GTF2IRD1: variants seen among roughly 807,000 people sequenced by gnomAD.
GTF2IRD1 encodes general transcription factor II-I repeat domain-containing protein 1.
In GTF2IRD1, 26 loss-of-function variants were observed where a neutral mutation model predicts 113.2. The observed-to-expected ratio is 0.23, with a 90% confidence interval of 0.17 to 0.32. The LOEUF is 0.32. Ranked by LOEUF, GTF2IRD1 falls within the 10% of genes least tolerant of loss-of-function variation. The pLI, the probability that GTF2IRD1 is intolerant of heterozygous loss-of-function variation, is 1.00. For synonymous variants in GTF2IRD1, 484 were observed against 529.1 expected, an observed-to-expected ratio of 0.91 and a Z score of 1.17; for missense variants, 864 against 1,280.8, an observed-to-expected ratio of 0.67 and a Z score of 4.97.
At position 74,557,517 on chromosome 7, in the gene GTF2IRD1, TC is replaced by T. The variant is rs1799672024; in HGVS notation, c.2024-120del. The T allele has an allele frequency of 4.6e-6, 3 of 652,686 alleles. No individual in the cohort carries two copies. In the Admixed American group the frequency reaches 8.2e-5, roughly 18 times the overall value. The allele number at this position is 652,686 out of a possible 1,614,324, so 40.4% of individuals were successfully genotyped here. A position where few individuals can be genotyped will look rare whatever the true frequency, so the allele number is the denominator to read the frequency against. On this transcript the variant is annotated intron_variant, in intron 19 of 26. Transcript: ENST00000424337. ...GTGCTGAAGGACCTGAGGGGCCCAC[TC>T]CAAAGATCCTTTAATTGCCGGAGAA...
At position 74,545,765 on chromosome 7, in the gene GTF2IRD1, G is replaced by A. The variant is rs377293896; in HGVS notation, c.1688G>A (p.Arg563Gln). 4.7e-5 allele frequency: 76 copies of A among 1,612,864 alleles called. 1 individual carries two copies. The South Asian group carries it at 6.4e-4, about 14-fold the overall frequency. The change falls in exon 16 of 27, where the codon CGG (arginine) becomes CAG (glutamine). Residue 563 changes from arginine (R) to glutamine (Q), a missense_variant. Coordinates refer to ENST00000424337, the MANE Select transcript of GTF2IRD1 (RefSeq NM_005685.4). ...CCAGACAGCCACGGTGACGTGATCC[G>A]GCCCCTGCGGAAGCAGGTGGAGCTG... Reference protein sequence around the residue: ...PVEDSHGDVIRPLRKQVELLF... With the variant: ...PVEDSHGDVIQPLRKQVELLF...
chr7:74,543,161 G>A (rs1290798964), intron 14 of GTF2IRD1, among the ~76,000 whole-genome samples: 8 of 152,158 alleles, frequency 5.3e-5, no homozygotes, highest in East Asian at 1.9e-4. Flanking sequence ...AATTAGCTGG[G>A]CATGGTGGTG....
intron 22 of GTF2IRD1, among the ~76,000 whole-genome samples, chr7:74,572,236 G>A (rs150282301): frequency 1.7e-3 from 261 of 152,250 alleles, no homozygotes; most frequent in African/African-American, 5.8e-3. Flanking sequence ...ACTGAAGAGC[G>A]GCAGGCACAG....
chr7:74,492,559 T>C (rs1449874217), intron 1 of GTF2IRD1, among the ~76,000 whole-genome samples: 1 of 152,216 alleles, frequency 6.6e-6, no homozygotes, highest in African/African-American at 2.4e-5. Flanking sequence ...ATTTCACTCA[T>C]GATCAATGAT....
intron 2 of GTF2IRD1, among the ~76,000 whole-genome samples, chr7:74,509,953 G>A (rs1796530640): frequency 6.6e-6 from 1 of 152,160 alleles, no homozygotes. Flanking sequence ...GGGATTACAG[G>A]CGTGAGCCAC....
At chr7:74,545,172 G>T (rs1219485224) in intron 15 of GTF2IRD1, among the ~76,000 whole-genome samples, 3 of 152,154 alleles carry the variant, frequency 2.0e-5, no homozygotes, top group African/African-American at 7.2e-5. Flanking sequence ...TTTGTGTCCA[G>T]CAGACACGCC....
intron 17 of GTF2IRD1, among the ~76,000 whole-genome samples, chr7:74,547,651 C>A (rs1346276545): frequency 6.6e-6 from 1 of 151,724 alleles, no homozygotes; most frequent in African/African-American, 2.4e-5. Context: ...GTTGGCCAGG[C>A]TGGTCTTGAA....
chr7:74,467,616 T>C (rs1793806365), intron 1 of GTF2IRD1, among the ~76,000 whole-genome samples: 2 of 152,222 alleles, frequency 1.3e-5, no homozygotes, highest in South Asian at 2.1e-4. Context: ...TTTGCCTGCC[T>C]CAGCTTCCCG....
At chr7:74,507,934 C>T (rs1389638258) in intron 1 of GTF2IRD1, 141 bp from the exon 2 acceptor site, 2 of 859,376 alleles carry the variant, frequency 2.3e-6, no homozygotes, top group African/African-American at 1.7e-5. Context: ...CACATAAAGC[C>T]CTTGGGCCCA....
intron 24 of GTF2IRD1, 59 bp downstream of exon 24, chr7:74,591,076 A>G (rs1409775765): frequency 1.6e-6 from 2 of 1,282,262 alleles, no homozygotes; most frequent in East Asian, 4.7e-5. Flanking sequence ...GGAGGGTGAA[A>G]GTCAAGGTCA....
intron 22 of GTF2IRD1, among the ~76,000 whole-genome samples, chr7:74,574,150 A>ATT (rs71094796): frequency 0.026 from 2,717 of 104,830 alleles, 42 homozygotes; most frequent in African/African-American, 0.034. Flanking sequence ...CACCAAGCTA[A>ATT]TTTTTTTTTT....
At chr7:74,538,654 C>G (rs74866218) in intron 12 of GTF2IRD1, 26 bp from the exon 13 acceptor site, 1 of 1,380,380 alleles carries the variant, frequency 7.2e-7, no homozygotes, top group South Asian at 1.2e-5. Context: ...CCAGACTTGA[C>G]AGGATTCTTC....
At chr7:74,540,911 G>A (rs1332567964) in intron 14 of GTF2IRD1, among the ~76,000 whole-genome samples, 2 of 151,894 alleles carry the variant, frequency 1.3e-5, no homozygotes, top group African/African-American at 2.4e-5. Context: ...ACAGGCGCCC[G>A]CCACCACGCC....
intron 13 of GTF2IRD1, among the ~76,000 whole-genome samples, chr7:74,539,257 G>A (rs587736265): frequency 1.8e-4 from 27 of 152,090 alleles, no homozygotes; most frequent in Non-Finnish European, 3.1e-4. Context: ...ACCAGCCTGG[G>A]CAGCATAGCA....
intron 1 of GTF2IRD1, among the ~76,000 whole-genome samples, chr7:74,478,518 C>G (rs1554333954): frequency 6.6e-6 from 1 of 151,614 alleles, no homozygotes; most frequent in Non-Finnish European, 1.5e-5. Context: ...TGCAGTGGTG[C>G]GATCATAGCT....
intron 22 of GTF2IRD1, chr7:74,572,446 G>C (rs1351024244): frequency 4.0e-6 from 1 of 247,018 alleles, no homozygotes; most frequent in African/African-American, 2.3e-5. Context: ...TACTATCTCT[G>C]ATCTTGGATA....
intron 1 of GTF2IRD1, among the ~76,000 whole-genome samples, chr7:74,490,314 G>A (rs1795266020): frequency 6.6e-6 from 1 of 152,064 alleles, no homozygotes; most frequent in African/African-American, 2.4e-5. Context: ...ACTGCACTGC[G>A]GCTGGGTGTA....
intron 1 of GTF2IRD1, among the ~76,000 whole-genome samples, chr7:74,492,533 T>C (rs544825839): frequency 8.3e-4 from 126 of 152,308 alleles, no homozygotes; most frequent in African/African-American, 3.0e-3. Flanking sequence ...GATATCTCAT[T>C]GTGGTTGTGA....
At chr7:74,480,645 G>C (rs1338881516) in intron 1 of GTF2IRD1, among the ~76,000 whole-genome samples, 1 of 152,130 alleles carries the variant, frequency 6.6e-6, no homozygotes, top group African/African-American at 2.4e-5. Context: ...TAAATAACAA[G>C]GGTGGAAACC....
Sources: allele counts gnomAD v4.1 joint callset (sites outside exome capture counted in the v4.1 genomes callset), GRCh38; gene constraint gnomAD v4.1.1; transcripts MANE v1.5; gene names NCBI Gene and HGNC (gene_info 2026-07-23, HGNC 2026-07-21).